The following TANGO6 variants were observed in gnomAD, a reference collection of about 807,000 sequenced individuals.
The protein encoded by TANGO6 is transport and golgi organization 6 homolog.
In TANGO6, 90 loss-of-function variants were observed where a neutral mutation model predicts 114.2. The observed-to-expected ratio is 0.79, with a 90% CI of 0.66 to 0.94. The LOEUF is 0.94. Among genes scored for constraint, TANGO6 ranks in the 40% least tolerant of loss-of-function variants. The probability of loss-of-function intolerance (pLI) is 0.00; values close to 1 mark genes in which losing one functional copy is unlikely to be tolerated. For synonymous variants in TANGO6, 477 were observed against 509.8 expected, an observed-to-expected ratio of 0.94 and a Z score of 0.87; for missense variants, 1,274 against 1,315.3, an observed-to-expected ratio of 0.97 and a Z score of 0.49.
intron 17 of TANGO6, among the ~76,000 whole-genome samples, chr16:69,069,632 C>T (rs892084172): frequency 6.6e-6 from 1 of 152,094 alleles, no homozygotes; most frequent in South Asian, 2.1e-4. Flanking sequence ...GTATAACTTG[C>T]GTGTTATTCC....
chr16:68,884,953 AAG>A (rs1427245242), intron 7 of TANGO6, among the ~76,000 whole-genome samples: 3 of 152,210 alleles, frequency 2.0e-5, no homozygotes, highest in Non-Finnish European at 4.4e-5. Context: ...TTGTGAAACT[AAG>A]AGGGGTGGAA....
intron 12 of TANGO6, among the ~76,000 whole-genome samples, chr16:68,923,920 C>T (rs1318495730): frequency 1.3e-5 from 2 of 152,148 alleles, no homozygotes; most frequent in African/African-American, 4.8e-5. Context: ...TCTGGGCACA[C>T]CCATGGGAGT....
At chr16:69,076,466 C>T (rs898523658) in intron 17 of TANGO6, among the ~76,000 whole-genome samples, 1 of 152,122 alleles carries the variant, frequency 6.6e-6, no homozygotes, top group Non-Finnish European at 1.5e-5. Flanking sequence ...CTGAAAGGAA[C>T]AAGAATAATG....
intron 17 of TANGO6, among the ~76,000 whole-genome samples, chr16:69,073,744 C>T (rs1442828624): frequency 6.6e-6 from 1 of 152,114 alleles, no homozygotes; most frequent in Non-Finnish European, 1.5e-5. Context: ...ATCACAAGGT[C>T]AGGTGTTTGA....
chr16:68,914,744 G>A (rs888591117), intron 11 of TANGO6, among the ~76,000 whole-genome samples: 3 of 152,116 alleles, frequency 2.0e-5, no homozygotes, highest in Non-Finnish European at 4.4e-5. Context: ...CACAGGAAAT[G>A]TATAGTAGGG....
In TANGO6 at chr16:68,956,511, T is replaced by A. The variant is rs113199006; in HGVS notation, c.2702-17517T>A. Among the ~76,000 whole-genome samples the A allele has an allele frequency of 4.7e-3, 721 of 152,068 alleles. 6 individuals carry two copies. The highest frequency in any genetic ancestry group is 0.017 in the African/African-American group (688 of 41,476). ...TCACCTGTTCCCAAGGGTCTGGGAG[T>A]AGACTTGTCTTGGCACTAAGCAGAG... On this transcript the variant is annotated intron_variant, in intron 14 of 17. Coordinates refer to ENST00000261778, the MANE Select transcript of TANGO6 (RefSeq NM_024562.2).
intron 7 of TANGO6, among the ~76,000 whole-genome samples, chr16:68,881,088 A>C (rs1463967587): frequency 2.6e-5 from 4 of 152,182 alleles, no homozygotes. Flanking sequence ...TGCGCCTGGC[A>C]AGCTGACCTT....
intron 14 of TANGO6, among the ~76,000 whole-genome samples, chr16:68,960,907 T>C (rs1324271351): frequency 6.6e-6 from 1 of 152,228 alleles, no homozygotes; most frequent in Non-Finnish European, 1.5e-5. Context: ...TGAGAATCAC[T>C]GGTTAAAAAA....
chr16:69,028,494 G>A (rs531297907), intron 16 of TANGO6, among the ~76,000 whole-genome samples: 2 of 151,910 alleles, frequency 1.3e-5, no homozygotes, highest in East Asian at 2.0e-4. Flanking sequence ...TTAGCCAGGC[G>A]TGGTGGCACA....
At chr16:68,939,632 AAAAAC>A (rs1443382093) in intron 14 of TANGO6, among the ~76,000 whole-genome samples, 1 of 151,950 alleles carries the variant, frequency 6.6e-6, no homozygotes, top group Non-Finnish European at 1.5e-5. Flanking sequence ...AGGAAACGGA[AAAAAC>A]AAAACAAAAC....
intron 17 of TANGO6, among the ~76,000 whole-genome samples, chr16:69,065,091 C>A (rs1446662537): frequency 6.6e-6 from 1 of 152,206 alleles, no homozygotes; most frequent in Non-Finnish European, 1.5e-5. Flanking sequence ...ATTTTCCCTG[C>A]TGCTTTGTGC....
At chr16:68,958,291 G>C (rs376767857) in intron 14 of TANGO6, among the ~76,000 whole-genome samples, 1 of 151,776 alleles carries the variant, frequency 6.6e-6, no homozygotes, top group South Asian at 2.1e-4. Context: ...TCAGGAGTTC[G>C]AGACCAGCCT....
At chr16:68,979,361 C>G (rs1014848459) in intron 15 of TANGO6, among the ~76,000 whole-genome samples, 2 of 152,046 alleles carry the variant, frequency 1.3e-5, no homozygotes, top group Admixed American at 6.6e-5. Context: ...TCCCGAGTAG[C>G]TGGGACTACA....
intron 7 of TANGO6, among the ~76,000 whole-genome samples, chr16:68,891,772 A>C (rs1273289455): frequency 3.3e-5 from 5 of 151,284 alleles, no homozygotes; most frequent in African/African-American, 4.9e-5. Context: ...ACCTGTAGCT[A>C]CAGCTTAAGG....
chr16:68,864,357 T>C (rs1424975400), intron 3 of TANGO6, among the ~76,000 whole-genome samples: 1 of 151,940 alleles, frequency 6.6e-6, no homozygotes, highest in Non-Finnish European at 1.5e-5. Flanking sequence ...GAGGATCACT[T>C]GAGGTCAGGA....
At chr16:68,963,646 C>T (rs1334484069) in intron 14 of TANGO6, among the ~76,000 whole-genome samples, 1 of 152,206 alleles carries the variant, frequency 6.6e-6, no homozygotes, top group African/African-American at 2.4e-5. Context: ...CACACATGCT[C>T]AAACAACTTC....
At chr16:68,852,709 T>C (rs1308808713) in intron 1 of TANGO6, among the ~76,000 whole-genome samples, 1 of 151,998 alleles carries the variant, frequency 6.6e-6, no homozygotes, top group Non-Finnish European at 1.5e-5. Context: ...GGTATGCAAC[T>C]GTGGTCCCAG....
intron 17 of TANGO6, among the ~76,000 whole-genome samples, chr16:69,070,405 G>A (rs967387555): frequency 3.9e-5 from 6 of 151,932 alleles, no homozygotes; most frequent in Non-Finnish European, 5.9e-5. Flanking sequence ...GGCCGAAGCG[G>A]GGGGATCACC....
At chr16:69,036,307 A>G (rs752272124) in intron 16 of TANGO6, among the ~76,000 whole-genome samples, 41 of 152,182 alleles carry the variant, frequency 2.7e-4, no homozygotes, top group Non-Finnish European at 5.1e-4. Flanking sequence ...GGAGAGCAGC[A>G]TTACAAGCTG....
Sources: gnomAD v4.1 joint callset for allele counts (sites outside exome capture counted in the v4.1 genomes callset) on GRCh38, gnomAD v4.1.1 for gene constraint, MANE v1.5 for transcripts, NCBI Gene and HGNC (gene_info 2026-07-23, HGNC 2026-07-21) for gene names.